The following INSR variants were observed in gnomAD, a reference collection of about 807,000 sequenced individuals.
INSR encodes the protein IR.
INSR carries 67 observed loss-of-function variants against 142.6 expected under a neutral mutation model. The observed-to-expected ratio is 0.47, with a 90% confidence interval of 0.39 to 0.58. The LOEUF is 0.58. INSR is among the 20% of genes least tolerant of loss of function. The probability of loss-of-function intolerance (pLI) is 0.00; values close to 1 mark genes in which losing one functional copy is unlikely to be tolerated. For missense variants in INSR, 1,248 were observed against 1,833.2 expected, an observed-to-expected ratio of 0.68 and a Z score of 5.83; for synonymous variants, 756 against 743.1, an observed-to-expected ratio of 1.02 and a Z score of -0.28.
intron 1 of INSR, among the ~76,000 whole-genome samples, chr19:7,287,987 AT>A (rs1968386528): frequency 1.3e-5 from 2 of 152,306 alleles, no homozygotes; most frequent in African/African-American, 4.8e-5. Flanking sequence ...ATAAAACTGC[AT>A]TTACAAAAAC....
chr19:7,219,487 A>AAGGAAGGAGGGGGGGAG (rs1445884167), intron 2 of INSR, among the ~76,000 whole-genome samples: 2 of 118,158 alleles, frequency 1.7e-5, no homozygotes, highest in East Asian at 2.8e-4. Context: ...GAGGGAGGGA[A>AAGGAAGGAGGGGGGGAG]GGAAGGAAGG....
At chr19:7,164,799 C>T (rs1973851840) in intron 8 of INSR, among the ~76,000 whole-genome samples, 1 of 128,036 alleles carries the variant, frequency 7.8e-6, no homozygotes, top group South Asian at 2.6e-4. Flanking sequence ...GCACTCCAGC[C>T]TAGGCAACAA....
rs1452511864 is a variant in INSR at position 7,117,285 on chromosome 19, T to C, written c.3920A>G (p.Glu1307Gly). The change falls in exon 22 of 22, where the codon GAG becomes GGG. Residue 1307 changes from glutamate to glycine, a missense_variant. Around this residue, in one of 3 missense-constraint regions of INSR, gnomAD observed 122 missense variants for 129.8 expected, o/e 0.94. Coordinates refer to ENST00000302850, the MANE Select transcript of INSR (RefSeq NM_000208.4). ...CTCACTCTCGGGAGCCTTGTTCTCC[T>C]CGCTGTGGAAGAACGACACCTCTGG... ...SFPEVSFFHS[E>G]ENKAPESEEL... 1.2e-6 allele frequency: 2 copies of C among 1,614,190 alleles called. No individual in the cohort carries two copies. Among genetic ancestry groups the C allele is most frequent in the Admixed American group, 1.7e-5 (1 of 60,028 alleles).
rs796678604 is a variant in INSR, at chr19:7,267,891, G to C, written c.106C>G (p.Pro36Ala). The change falls in exon 2 of 22, where the codon CCC becomes GCC. Residue 36 changes from proline (P) to alanine (A), a missense_variant. This residue lies in a region of INSR where 1,069 missense variants were observed against 1,654.0 expected (regional missense o/e 0.65). Transcript: ENST00000302850. This position sits in a 1 kb window ranked among gnomAD's most constrained non-coding sequence, Gnocchi z 6.3. ...AGGTTGTTCCGGATATCCATGCCGG[G>C]ACACACTACAAGAGAAAATGAACAG... ...AGHLYPGEVC[P>A]GMDIRNNLTR... The C allele has an allele frequency of 2.5e-6, 4 of 1,613,032 alleles. No individual in the cohort carries two copies. Among genetic ancestry groups the C allele is most frequent in the African/African-American group, 1.3e-5 (1 of 75,010 alleles).
intron 2 of INSR, among the ~76,000 whole-genome samples, chr19:7,193,537 G>C (rs1029739119): frequency 2.0e-5 from 3 of 151,520 alleles, no homozygotes; most frequent in African/African-American, 7.3e-5. Context: ...AAAAATTAGG[G>C]GCAGGAGGGG....
chr19:7,210,553 C>T (rs1975245485), intron 2 of INSR, among the ~76,000 whole-genome samples: 1 of 152,054 alleles, frequency 6.6e-6, no homozygotes, highest in African/African-American at 2.4e-5. Context: ...ACCTAGTGTG[C>T]CTGGTCCTCA....
intron 1 of INSR, among the ~76,000 whole-genome samples, chr19:7,286,922 C>CT (rs1282013046): frequency 1.3e-5 from 2 of 152,228 alleles, no homozygotes; most frequent in East Asian, 3.9e-4. Flanking sequence ...TCACAGCTCA[C>CT]TGCAGCCTTG....
At chr19:7,291,825 G>A (rs935925309) in intron 1 of INSR, among the ~76,000 whole-genome samples, 2 of 152,066 alleles carry the variant, frequency 1.3e-5, no homozygotes, top group Admixed American at 6.6e-5. Flanking sequence ...TTATTTTTGA[G>A]ACAGAGTCTC....
chr19:7,264,383 G>A (rs945332815), intron 2 of INSR, among the ~76,000 whole-genome samples: 3 of 152,210 alleles, frequency 2.0e-5, no homozygotes, highest in South Asian at 2.1e-4. Context: ...ACACCCAGCA[G>A]GGAGCAGGAG....
At chr19:7,281,472 C>T (rs753259357) in intron 1 of INSR, among the ~76,000 whole-genome samples, 20 of 151,678 alleles carry the variant, frequency 1.3e-4, no homozygotes, top group Admixed American at 9.2e-4. Context: ...GTCTTGAGTT[C>T]GAGGCCAGCC....
chr19:7,224,588 G>A (rs965119334), intron 2 of INSR, among the ~76,000 whole-genome samples: 1 of 152,218 alleles, frequency 6.6e-6, no homozygotes, highest in Non-Finnish European at 1.5e-5. Flanking sequence ...TCGACCAGAG[G>A]AAGGAGAACA....
At chr19:7,211,056 G>A (rs1975259844) in intron 2 of INSR, among the ~76,000 whole-genome samples, 2 of 151,994 alleles carry the variant, frequency 1.3e-5, no homozygotes, top group South Asian at 2.1e-4. Flanking sequence ...TGTCCCCTTG[G>A]GGCCTGCTTG....
At chr19:7,195,927 C>CTTTTTT (rs766101939) in intron 2 of INSR, among the ~76,000 whole-genome samples, 7 of 99,820 alleles carry the variant, frequency 7.0e-5, no homozygotes, top group East Asian at 5.4e-4. Context: ...TCTTTCTTTT[C>CTTTTTT]TTTCTTTTTT....
intron 3 of INSR, among the ~76,000 whole-genome samples, chr19:7,183,678 C>T (rs1250880931): frequency 1.3e-5 from 2 of 152,034 alleles, no homozygotes; most frequent in East Asian, 1.9e-4. Flanking sequence ...GGACAGGCCA[C>T]GTGGAGGATT....
chr19:7,273,664 G>A lies in INSR; in HGVS notation c.101-5768C>T, dbSNP rs111649359. Among the ~76,000 whole-genome samples the A allele has an allele frequency of 1.7e-4, 26 of 151,736 alleles. No individual in the cohort carries two copies. The South Asian group carries it at 4.6e-3, about 27-fold the overall frequency. On this transcript the variant is annotated intron_variant, in intron 1 of 21. Coordinates refer to ENST00000302850, the MANE Select transcript of INSR (RefSeq NM_000208.4). ...CTCCCGAGTAGCTGGGATTACAGGC[G>A]TGTGCCACCACACCTGGCTAATTTT...
Position 7,243,625 on chromosome 19 carries a change from T to G in INSR, c.652+23720A>C, listed in dbSNP as rs570041202. 1.1e-4 allele frequency among the ~76,000 whole-genome samples: 16 copies of G among 152,296 alleles called. No individual in the cohort carries two copies. The South Asian group carries it at 2.5e-3, about 24-fold the overall frequency. ...ATAAAATTTGTCAATGAATACTCAG[T>G]TACCTGCTATTTCATTTTATGTGGC... On this transcript the variant is annotated intron_variant, in intron 2 of 21. Transcript: ENST00000302850.
intron 2 of INSR, among the ~76,000 whole-genome samples, chr19:7,243,295 G>GC (rs1217635582): frequency 2.3e-5 from 3 of 131,324 alleles, no homozygotes; most frequent in Non-Finnish European, 4.6e-5. Flanking sequence ...GCCCAGGCTG[G>GC]AGTGCAGTGG....
At chr19:7,138,041 G>C (rs1267719420) in intron 13 of INSR, among the ~76,000 whole-genome samples, 1 of 147,632 alleles carries the variant, frequency 6.8e-6, no homozygotes, top group Non-Finnish European at 1.5e-5. Context: ...TCGGCTCACT[G>C]CAAGCTCCAC....
intron 2 of INSR, among the ~76,000 whole-genome samples, chr19:7,257,924 G>C (rs746811213): frequency 3.9e-5 from 6 of 152,210 alleles, no homozygotes; most frequent in African/African-American, 7.2e-5. Context: ...CCAGGTTCAA[G>C]TGATTCTCCT....
Sources: allele counts gnomAD v4.1 joint callset (sites outside exome capture counted in the v4.1 genomes callset), GRCh38; gene constraint gnomAD v4.1.1; regional missense constraint gnomAD v4.1.1; non-coding constraint Gnocchi (gnomAD v3.1); transcripts MANE v1.5; gene names NCBI Gene and HGNC (gene_info 2026-07-23, HGNC 2026-07-21).